PYY: variants seen among roughly 807,000 people sequenced by gnomAD.
The protein encoded by PYY is peptide tyrosine tyrosine.
A neutral mutation model predicts 10.3 loss-of-function variants in PYY; 12 were observed. That is an observed-to-expected ratio of 1.17 (90% confidence interval 0.75 to 1.89). PYY has a LOEUF of 1.89. PYY is among the 40% of genes most tolerant of loss of function. The pLI is 0.00. For synonymous variants in PYY, 66 were observed against 62.0 expected (o/e 1.06, Z -0.30); for missense variants, 141 against 134.0 (o/e 1.05, Z -0.26).
At chr17:43,964,608 G>A (rs1454553692) in intron 2 of PYY, among the ~76,000 whole-genome samples, 1 of 152,180 alleles carries the variant, frequency 6.6e-6, no homozygotes, top group Non-Finnish European at 1.5e-5. Context: ...AAATTAGCCA[G>A]GCATGGTGGC....
chr17:43,955,961 C>T (rs933777537), upstream of PYY, among the ~76,000 whole-genome samples: 12 of 151,992 alleles, frequency 7.9e-5, no homozygotes, highest in Non-Finnish European at 1.6e-4. Flanking sequence ...TCTGACCCTG[C>T]GGCGGCACTA....
upstream of PYY, among the ~76,000 whole-genome samples, chr17:43,954,790 G>GC (rs1304025041): frequency 6.6e-6 from 1 of 152,216 alleles, no homozygotes; most frequent in African/African-American, 2.4e-5. Context: ...ACTGTCCCCA[G>GC]CCCATGGCAG....
chr17:43,957,183 G>A (rs1327196762), upstream of PYY, among the ~76,000 whole-genome samples: 1 of 144,624 alleles, frequency 6.9e-6, no homozygotes, highest in Non-Finnish European at 1.5e-5. Flanking sequence ...GAGCGACAGA[G>A]TGAAACTGTC....
At chr17:43,977,619 C>T (rs1005667117) in intron 1 of PYY, among the ~76,000 whole-genome samples, 2 of 152,104 alleles carry the variant, frequency 1.3e-5, no homozygotes, top group Non-Finnish European at 2.9e-5. Context: ...TCCTGCTTAC[C>T]TTCACCCTAC....
intron 1 of PYY, among the ~76,000 whole-genome samples, chr17:43,990,149 G>A (rs1424387185): frequency 6.6e-6 from 1 of 151,282 alleles, no homozygotes; most frequent in Non-Finnish European, 1.5e-5. Flanking sequence ...TTGAAAAGCA[G>A]CTTCTCGACG....
At chr17:43,995,136 C>A (rs1285252878) in intron 1 of PYY, among the ~76,000 whole-genome samples, 2 of 152,236 alleles carry the variant, frequency 1.3e-5, no homozygotes, top group Non-Finnish European at 1.5e-5. Flanking sequence ...TCCCTGTCCT[C>A]TATCCACCGA....
Position 43,987,969 on chromosome 17 carries a change from T to C in PYY, c.-463+16422A>G, listed in dbSNP as rs1200038349. Among the ~76,000 whole-genome samples the C allele has an allele frequency of 6.6e-6, 1 of 152,182 alleles. No individual in the cohort carries two copies. The highest frequency in any genetic ancestry group is 1.5e-5 in the Non-Finnish European group (1 of 68,022). ...CACGCCGGAAGTCCTCACAGCAGTCTGCTCTGCATCCCTCCTAATTCAGAC... is the reference window on the plus strand; with the variant it reads ...CACGCCGGAAGTCCTCACAGCAGTCCGCTCTGCATCCCTCCTAATTCAGAC... On this transcript the variant is annotated intron_variant, in intron 1 of 6. Transcript: ENST00000360085. The surrounding 1 kb of genome is among the most constrained non-coding windows in gnomAD (Gnocchi z 4.0).
chr17:43,954,402 C>T (rs116878033), upstream of PYY, among the ~76,000 whole-genome samples: 3,983 of 152,288 alleles, frequency 0.026, 61 homozygotes, highest in South Asian at 0.045. Context: ...TTCAGTAATA[C>T]CTTGGAGAAG....
intron 1 of PYY, among the ~76,000 whole-genome samples, chr17:43,974,721 C>A (rs9907468): frequency 1.5e-4 from 23 of 151,862 alleles, no homozygotes; most frequent in Non-Finnish European, 1.0e-4. Context: ...TCTTTTGTTG[C>A]GGGAATTCGG....
intron 1 of PYY, chr17:44,004,369 C>A: frequency 3.4e-6 from 1 of 295,756 alleles, no homozygotes; most frequent in Non-Finnish European, 6.2e-6. Context: ...TGCAGACTCC[C>A]AAAGCCGCCC....
At chr17:43,999,045 G>T (rs115687562) in intron 1 of PYY, among the ~76,000 whole-genome samples, 10 of 152,250 alleles carry the variant, frequency 6.6e-5, no homozygotes, top group African/African-American at 2.4e-4. Context: ...TAGAGAAAAG[G>T]ACCAAGGCCT....
intron 1 of PYY, among the ~76,000 whole-genome samples, chr17:44,001,433 A>T (rs2049025926): frequency 6.6e-6 from 1 of 152,176 alleles, no homozygotes; most frequent in South Asian, 2.1e-4. Context: ...CCATACATCA[A>T]CAATGATCCT....
At chr17:43,986,911 C>G (rs988344420) in intron 1 of PYY, among the ~76,000 whole-genome samples, 1 of 152,332 alleles carries the variant, frequency 6.6e-6, no homozygotes, top group African/African-American at 2.4e-5. Flanking sequence ...TTTAATCCCA[C>G]AGCAATCCTA....
chr17:43,983,969 C>T (rs1459729124), intron 1 of PYY, among the ~76,000 whole-genome samples: 1 of 152,228 alleles, frequency 6.6e-6, no homozygotes, highest in African/African-American at 2.4e-5. Context: ...GCGCAGCGGT[C>T]GCGCGCTTAT....
chr17:44,003,610 G>C (rs1480751279), intron 1 of PYY, among the ~76,000 whole-genome samples: 1 of 137,440 alleles, frequency 7.3e-6, no homozygotes, highest in African/African-American at 2.7e-5. Context: ...AGCCGAGATC[G>C]CAACACTGCA....
At chr17:43,994,359 A>C (rs896433509) in intron 1 of PYY, among the ~76,000 whole-genome samples, 1 of 151,802 alleles carries the variant, frequency 6.6e-6, no homozygotes, top group Admixed American at 6.6e-5. Flanking sequence ...CCCTGGCCTC[A>C]AGCTACCGTC....
chr17:43,993,287 C>G (rs952897780), intron 1 of PYY, among the ~76,000 whole-genome samples: 1 of 152,058 alleles, frequency 6.6e-6, no homozygotes, highest in Admixed American at 6.6e-5. Context: ...GGTGAAACCC[C>G]GTCTCTACTA....
chr17:43,965,624 T>C (rs937927141), intron 2 of PYY, among the ~76,000 whole-genome samples: 2 of 151,070 alleles, frequency 1.3e-5, no homozygotes, highest in African/African-American at 4.9e-5. Flanking sequence ...ACCCCGTCTG[T>C]ACCCAAAATA....
chr17:43,972,819 C>A (rs992422736), intron 1 of PYY, among the ~76,000 whole-genome samples: 1 of 151,806 alleles, frequency 6.6e-6, no homozygotes. Flanking sequence ...TGAGTTCAAG[C>A]GATTCTCCTG....
Sources: allele counts gnomAD v4.1 joint callset (sites outside exome capture counted in the v4.1 genomes callset), GRCh38; gene constraint gnomAD v4.1.1; non-coding constraint Gnocchi (gnomAD v3.1); transcripts MANE v1.5; gene names NCBI Gene and HGNC (gene_info 2026-07-23, HGNC 2026-07-21).